The following PTPN9 variants were observed in gnomAD, a reference collection of about 807,000 sequenced individuals.
The protein encoded by PTPN9 is tyrosine-protein phosphatase non-receptor type 9.
In PTPN9, 26 loss-of-function variants were observed where a neutral mutation model predicts 69.8. The observed-to-expected ratio is 0.37, with a 90% CI of 0.27 to 0.52. The LOEUF (loss-of-function observed/expected upper bound fraction) is 0.52, where lower values mean the gene tolerates loss of function less well. PTPN9 is among the 20% of genes least tolerant of loss of function. The pLI, the probability that PTPN9 is intolerant of heterozygous loss-of-function variation, is 0.91. For synonymous variants in PTPN9, 274 were observed against 272.5 expected (o/e 1.01, Z -0.05); for missense variants, 549 against 740.3 (o/e 0.74, Z 3.00).
rs1317017290 is a variant in PTPN9 at position 75,578,899 on chromosome 15, C to G, written c.-123G>C. 34 of 534,616 alleles carry G rather than the reference C, an allele frequency of 6.4e-5. No individual in the cohort carries two copies. The highest frequency in any genetic ancestry group is 9.1e-5 in the Non-Finnish European group (34 of 373,956). 33.1% of individuals were successfully genotyped at this position (534,616 alleles called of 1,614,324 possible). On this transcript the variant is annotated 5_prime_UTR_variant, in exon 1 of 13. Transcript: ENST00000618819. ...CGGGGCCGGCTCGCGCATAGTGTGG[C>G]CGGCAGGGCCCGGCGCCTGCAGCGG...
chr15:75,542,570 G>A (rs1160770230), intron 1 of PTPN9, among the ~76,000 whole-genome samples: 1 of 152,174 alleles, frequency 6.6e-6, no homozygotes, highest in African/African-American at 2.4e-5. Context: ...ACACTGAGGG[G>A]CCAGAGTTAA....
chr15:75,554,421 C>T (rs1182677953), intron 1 of PTPN9, among the ~76,000 whole-genome samples: 1 of 151,824 alleles, frequency 6.6e-6, no homozygotes, highest in Non-Finnish European at 1.5e-5. Context: ...CTCAAACTCC[C>T]GACCTCAGGT....
chr15:75,508,607 G>T (rs2074831618), intron 6 of PTPN9, among the ~76,000 whole-genome samples: 1 of 152,228 alleles, frequency 6.6e-6, no homozygotes, highest in Non-Finnish European at 1.5e-5. Context: ...AATTTTGGAA[G>T]TAGCAGCTAT....
intron 4 of PTPN9, among the ~76,000 whole-genome samples, chr15:75,517,646 G>C (rs1044383707): frequency 3.9e-5 from 6 of 152,042 alleles, no homozygotes; most frequent in Non-Finnish European, 7.4e-5. Flanking sequence ...CCACCCCTCT[G>C]AATCTACCTA....
chr15:75,530,562 T>TA (rs1491179351), intron 1 of PTPN9, among the ~76,000 whole-genome samples: 10 of 71,348 alleles, frequency 1.4e-4, no homozygotes, highest in African/African-American at 6.4e-4. Context: ...ATATTATATA[T>TA]TATTATATTA....
At chr15:75,566,821 C>G (rs1218306143) in intron 1 of PTPN9, among the ~76,000 whole-genome samples, 2 of 151,956 alleles carry the variant, frequency 1.3e-5, no homozygotes, top group Non-Finnish European at 2.9e-5. Context: ...GGTCCTATCT[C>G]TATTAATGAG....
chr15:75,469,655 G>T, intron 12 of PTPN9, 137 bp downstream of exon 12: 2 of 939,564 alleles, frequency 2.1e-6, no homozygotes, highest in Non-Finnish European at 1.6e-6. Flanking sequence ...ATTAGATGAG[G>T]GATTTTTCAC....
intron 1 of PTPN9, among the ~76,000 whole-genome samples, chr15:75,576,636 C>T (rs1009826289): frequency 6.6e-6 from 1 of 151,576 alleles, no homozygotes; most frequent in African/African-American, 2.4e-5. Context: ...GGTGAAACCC[C>T]GCGTCTACTA....
intron 9 of PTPN9, among the ~76,000 whole-genome samples, chr15:75,474,689 T>C (rs1352237000): frequency 6.6e-6 from 1 of 152,150 alleles, no homozygotes; most frequent in Non-Finnish European, 1.5e-5. Context: ...ACCTTTGAAA[T>C]GTTTTTGGTT....
At chr15:75,532,999 A>C (rs1335235287) in intron 1 of PTPN9, among the ~76,000 whole-genome samples, 2 of 152,248 alleles carry the variant, frequency 1.3e-5, no homozygotes, top group Non-Finnish European at 2.9e-5. Flanking sequence ...AATTCTCAAA[A>C]TTAAAACTCA....
At chr15:75,513,395 G>A (rs897951568) in intron 5 of PTPN9, 5 of 455,926 alleles carry the variant, frequency 1.1e-5, no homozygotes, top group African/African-American at 1.0e-4. Context: ...ATTCTCCATA[G>A]AGGAGTGCTG....
chr15:75,519,724 G>A (rs578141609), intron 4 of PTPN9, among the ~76,000 whole-genome samples: 161 of 151,656 alleles, frequency 1.1e-3, no homozygotes, highest in African/African-American at 3.7e-3. Context: ...TGCCCCCCTC[G>A]GCCTCCCAAA....
intron 8 of PTPN9, among the ~76,000 whole-genome samples, chr15:75,489,392 C>T (rs2074697180): frequency 6.6e-6 from 1 of 151,968 alleles, no homozygotes; most frequent in Admixed American, 6.6e-5. Context: ...AGTTCAAGAC[C>T]AGACTAGGCA....
intron 8 of PTPN9, among the ~76,000 whole-genome samples, chr15:75,485,207 A>G (rs972884103): frequency 6.6e-5 from 10 of 152,030 alleles, no homozygotes; most frequent in Non-Finnish European, 1.5e-4. Context: ...CCTCTACTCA[A>G]CCTGGCACAT....
At chr15:75,503,259 T>C (rs1226654459) in intron 7 of PTPN9, among the ~76,000 whole-genome samples, 1 of 141,648 alleles carries the variant, frequency 7.1e-6, no homozygotes, top group African/African-American at 2.7e-5. Context: ...GCCCATCGTC[T>C]GAGATGTGGG....
chr15:75,523,964 G>A (rs751691376), intron 3 of PTPN9, among the ~76,000 whole-genome samples: 2 of 152,006 alleles, frequency 1.3e-5, no homozygotes, highest in Non-Finnish European at 2.9e-5. Context: ...CAAACAGGGG[G>A]GGATGGAGGA....
intron 5 of PTPN9, among the ~76,000 whole-genome samples, chr15:75,509,748 C>A (rs1467232686): frequency 1.3e-5 from 2 of 152,186 alleles, no homozygotes; most frequent in Non-Finnish European, 2.9e-5. Context: ...CTTCTGGAAG[C>A]TGAGGCGGGC....
At chr15:75,470,945 C>T in intron 10 of PTPN9, 115 bp from the exon 11 acceptor site, 1 of 1,231,368 alleles carries the variant, frequency 8.1e-7, no homozygotes, top group Admixed American at 2.5e-5. Flanking sequence ...TGCATTGCTT[C>T]TAACTTACAC....
intron 8 of PTPN9, among the ~76,000 whole-genome samples, chr15:75,485,735 GTC>G (rs2074671975): frequency 6.6e-6 from 1 of 151,514 alleles, no homozygotes; most frequent in South Asian, 2.1e-4. Flanking sequence ...TTTAGCACTG[GTC>G]TCTGAGCTGA....
Sources: gnomAD v4.1 joint callset for allele counts (sites outside exome capture counted in the v4.1 genomes callset) on GRCh38, gnomAD v4.1.1 for gene constraint, MANE v1.5 for transcripts, NCBI Gene and HGNC (gene_info 2026-07-23, HGNC 2026-07-21) for gene names.